Variants in PCSK7 observed in about 807,000 individuals in gnomAD.
The protein encoded by PCSK7 is lymphoma proprotein convertase.
Under a neutral mutation model 73.3 loss-of-function variants are expected in PCSK7, and 38 were observed. That is an observed-to-expected ratio of 0.52 (90% CI 0.40 to 0.68). PCSK7 has a LOEUF of 0.68. PCSK7 is among the 30% of genes least tolerant of loss of function. The pLI is 0.00. For synonymous variants in PCSK7, 296 were observed against 383.8 expected, an observed-to-expected ratio of 0.77 and a Z score of 2.68; for missense variants, 692 against 991.5, an observed-to-expected ratio of 0.70 and a Z score of 4.06.
At chr11:117,219,221 C>T (rs1036275187) in intron 10 of PCSK7, 57 bp from the exon 11 acceptor site, 1 of 1,266,418 alleles carries the variant, frequency 7.9e-7, no homozygotes, top group South Asian at 1.3e-5. Context: ...TCTCAACAAT[C>T]TGACTCTGGT....
At chr11:117,231,388 G>A (rs1442224492) in intron 1 of PCSK7, among the ~76,000 whole-genome samples, 1 of 152,090 alleles carries the variant, frequency 6.6e-6, no homozygotes, top group East Asian at 1.9e-4. Flanking sequence ...GCCCCCGGGA[G>A]CCTCAATTCT....
rs141434670 is a variant in PCSK7 at position 117,218,913 on chromosome 11, C to A, written c.1431+144G>T. 159 of 601,584 alleles carry A rather than the reference C, an allele frequency of 2.6e-4. No homozygotes were observed. In the East Asian group the frequency reaches 4.4e-3, roughly 16 times the overall value. 37.3% of individuals were successfully genotyped at this position (601,584 alleles called of 1,614,324 possible). On this transcript the variant is annotated intron_variant, in intron 11 of 16. Coordinates refer to ENST00000320934, the MANE Select transcript of PCSK7 (RefSeq NM_004716.4). The surrounding 1 kb of genome is among the most constrained non-coding windows in gnomAD (Gnocchi z 4.0). The stretch of plus-strand genomic sequence containing the variant: ...TTCTCATTTGTAAAATGGATATCAG[C>A]TGGGATGAAGGTTGAAGTTGTTAAA...
chr11:117,214,508 G>C (rs1265682085), intron 12 of PCSK7: 1 of 152,290 alleles, frequency 6.6e-6, no homozygotes, highest in Non-Finnish European at 1.5e-5. Flanking sequence ...GGGCTATGGA[G>C]CCAAGAAGGC....
intron 12 of PCSK7, chr11:117,209,657 A>C (rs2031623382): frequency 6.5e-6 from 1 of 154,252 alleles, no homozygotes; most frequent in African/African-American, 2.4e-5. Context: ...AATTTCAAGC[A>C]AATTATGTGA....
chr11:117,210,314 ACT>A (rs2031668782), intron 12 of PCSK7: 1 of 151,704 alleles, frequency 6.6e-6, no homozygotes, highest in African/African-American at 2.4e-5. Context: ...GAAGAGGAAG[ACT>A]CAACTGGGGA....
At chr11:117,223,401 G>C in intron 8 of PCSK7, 93 bp from the exon 9 acceptor site, 1 of 782,700 alleles carries the variant, frequency 1.3e-6, no homozygotes, top group South Asian at 1.4e-5. Context: ...TTACCATCCT[G>C]GGGGGCTGTC....
Position 117,229,870 on chromosome 11 carries a change from A to G in PCSK7, c.-12-14T>C, listed in dbSNP as rs574684789. 6.3e-6 allele frequency: 9 copies of G among 1,429,230 alleles called. No homozygotes were observed. The South Asian group carries it at 1.1e-4, about 18-fold the overall frequency. The allele number at this position is 1,429,230 out of a possible 1,614,324, so 88.5% of individuals were successfully genotyped here. A position where few individuals can be genotyped will look rare whatever the true frequency, so the allele number is the denominator to read the frequency against. On this transcript the variant is annotated splice_polypyrimidine_tract_variant and intron_variant, in intron 2 of 16. Coordinates refer to ENST00000320934, the MANE Select transcript of PCSK7 (RefSeq NM_004716.4). ...CAGAGCAGTGGACTGCAGACAAAGA[A>G]AAAGGATATGGAAGAGATCAAAGAG...
At position 117,213,792 on chromosome 11, in the gene PCSK7, A is replaced by G. The variant is rs2031832420; in HGVS notation, c.1534+4674T>C. 3 of 152,158 alleles carry G rather than the reference A, an allele frequency of 2.0e-5. No homozygotes were observed. In the South Asian group the frequency reaches 6.2e-4, roughly 32 times the overall value. The allele number at this position is 152,158 out of a possible 1,614,324, so 9.4% of individuals were successfully genotyped here. ...GAACTCTCTCTACCAGAACTAAATG[A>G]GTTAATGCATTAAATGAGCTAACGC... On this transcript the variant is annotated intron_variant, in intron 12 of 16. Coordinates refer to ENST00000320934, the MANE Select transcript of PCSK7 (RefSeq NM_004716.4).
At chr11:117,223,085 T>TG (rs1203557791) in intron 9 of PCSK7, 123 bp downstream of exon 9, 1 of 712,334 alleles carries the variant, frequency 1.4e-6, no homozygotes, top group African/African-American at 1.7e-5. Flanking sequence ...TCCAGCTCTG[T>TG]GGGGGAAGAG....
In PCSK7 at chr11:117,224,761, G is replaced by A. The variant is rs748082839; in HGVS notation, c.861-6C>T. 5.6e-6 allele frequency: 9 copies of A among 1,611,580 alleles called. No homozygotes were observed. The South Asian group carries it at 9.9e-5, about 18-fold the overall frequency. On this transcript the variant is annotated splice_region_variant and splice_polypyrimidine_tract_variant and intron_variant, in intron 6 of 16. Transcript: ENST00000320934. ...CATCGTCATCTGGTCCCCAGCTGTTGAGAAATAAATACCTAGAGGGGACAG... is the reference window on the plus strand; with the variant it reads ...CATCGTCATCTGGTCCCCAGCTGTTAAGAAATAAATACCTAGAGGGGACAG...
At chr11:117,213,956 CT>C (rs1174445276) in intron 12 of PCSK7, 219 of 93,952 alleles carry the variant, frequency 2.3e-3, no homozygotes, top group Middle Eastern at 5.4e-3. Flanking sequence ...TTTTCTTTTT[CT>C]TTTTTTTTTT....
chr11:117,217,759 C>T (rs1366216062), intron 12 of PCSK7: 1 of 152,224 alleles, frequency 6.6e-6, no homozygotes, highest in Non-Finnish European at 1.5e-5. Context: ...AAAGAATCCC[C>T]CAAGGAGCTG....
rs750883127 is a variant in PCSK7 at position 117,229,367 on chromosome 11, C to G, written c.468+10G>C. 1 of 1,596,944 alleles carries G rather than the reference C, an allele frequency of 6.3e-7. No homozygotes were observed. The highest frequency in any genetic ancestry group is 1.1e-5 in the South Asian group (1 of 90,524). Reference sequence around the variant, plus strand: ...CCACCTGAAACTGCAAACTGCAGGACTGGACTCACCAGGTGCCATTGCTGC... The same window carrying G: ...CCACCTGAAACTGCAAACTGCAGGAGTGGACTCACCAGGTGCCATTGCTGC... On this transcript the variant is annotated intron_variant, in intron 3 of 16. Transcript: ENST00000320934.
chr11:117,226,948 T>C (rs1041202049), intron 5 of PCSK7: 1 of 482,548 alleles, frequency 2.1e-6, no homozygotes, highest in East Asian at 3.5e-5. Context: ...GAACTATAAA[T>C]AGAAAAACAT....
intron 12 of PCSK7, chr11:117,209,464 G>C (rs1481709155): frequency 5.1e-6 from 1 of 194,820 alleles, no homozygotes; most frequent in African/African-American, 2.4e-5. Context: ...GATAAGGGAA[G>C]AGAAATAAGT....
In PCSK7 at chr11:117,229,811, C is replaced by T. The variant is rs2032574842; in HGVS notation, c.34G>A (p.Asp12Asn). The T allele has an allele frequency of 1.3e-6, 2 of 1,589,274 alleles. No homozygotes were observed. The highest frequency in any genetic ancestry group is 1.7e-6 in the Non-Finnish European group (2 of 1,166,582). ...CAGGTGGGCAGGCCCAGGGGGGCAT[C>T]CAAGTGTGGCACTTTCTGCCTCCCC... Reference protein sequence around the residue: ...PKGRQKVPHLDAPLGLPTCLW... With the variant: ...PKGRQKVPHLNAPLGLPTCLW... Residue 12 changes from aspartate to asparagine, a missense_variant, in exon 3 of 17, where the codon GAT becomes AAT. Asp to Asn is a conservative substitution (Grantham distance 23). Around this residue, in one of 6 missense-constraint regions of PCSK7, gnomAD observed 574 missense variants for 689.8 expected, o/e 0.83. Transcript: ENST00000320934.
At position 117,219,758 on chromosome 11, in the gene PCSK7, C is replaced by A. The variant is rs1410034207; in HGVS notation, c.1156G>T (p.Val386Leu). ...SGGDKMLRSI[V>L]TTDWDLQKGT... ...TTCTGAAGGTCCCAGTCAGTGGTCA[C>A]CTGGAAGTGAAACAGGAAAAGGAAG... Residue 386 changes from valine (V) to leucine (L), a missense_variant and splice_region_variant, in exon 10 of 17, where the codon GTG becomes TTG. Coordinates refer to ENST00000320934, the MANE Select transcript of PCSK7 (RefSeq NM_004716.4). 1 of 1,569,544 alleles carries A rather than the reference C, an allele frequency of 6.4e-7. No homozygotes were observed. Among genetic ancestry groups the A allele is most frequent in the Non-Finnish European group, 8.6e-7 (1 of 1,158,552 alleles).
intron 1 of PCSK7, among the ~76,000 whole-genome samples, chr11:117,230,750 A>G (rs1330824231): frequency 1.3e-5 from 2 of 152,182 alleles, no homozygotes; most frequent in African/African-American, 4.8e-5. Flanking sequence ...AAGAGTAGGT[A>G]ATAACGTCCT....
chr11:117,224,861 C>T (rs2032351070), intron 6 of PCSK7, 106 bp from the exon 7 acceptor site: 1 of 816,972 alleles, frequency 1.2e-6, no homozygotes, highest in African/African-American at 1.7e-5. Context: ...CAGCTCTTAA[C>T]TCCTCCCAAG....
Sources: allele counts gnomAD v4.1 joint callset (sites outside exome capture counted in the v4.1 genomes callset), GRCh38; gene constraint gnomAD v4.1.1; regional missense constraint gnomAD v4.1.1; non-coding constraint Gnocchi (gnomAD v3.1); transcripts MANE v1.5; gene names NCBI Gene and HGNC (gene_info 2026-07-23, HGNC 2026-07-21).